FH: variants seen among roughly 807,000 people sequenced by gnomAD.
The protein encoded by FH is fumarate hydratase.
Under a neutral mutation model 49.4 loss-of-function variants are expected in FH, and 22 were observed. The ratio of observed to expected loss-of-function variants is 0.45; its 90% CI spans 0.32 to 0.64. FH has a LOEUF of 0.64. Ranked by LOEUF, FH falls within the 30% of genes least tolerant of loss-of-function variation. The pLI, the probability that FH is intolerant of heterozygous loss-of-function variation, is 0.05. For synonymous variants in FH, 208 were observed against 223.0 expected, an observed-to-expected ratio of 0.93 and a Z score of 0.60; for missense variants, 526 against 641.5, an observed-to-expected ratio of 0.82 and a Z score of 1.95.
intron 4 of FH, among the ~76,000 whole-genome samples, chr1:241,509,419 G>A (rs575485462): frequency 6.6e-6 from 1 of 152,128 alleles, no homozygotes; most frequent in South Asian, 2.1e-4. Flanking sequence ...GCAAACCTGA[G>A]ACCTAGCCAG....
rs201146499 is a variant in FH, at chr1:241,517,271, G to A, written c.178C>T (p.Leu60=). The stretch of plus-strand genomic sequence containing the variant: ...TAATACTTATCATTTGGCACCTTTA[G>A]TTCACCAAAGGTATCATATTCTATC... ...FRIEYDTFGE[L]KVPNDKYYGA... Residue 60 remains leucine, a synonymous_variant, in exon 2 of 10, where the codon CTA becomes TTA. Transcript: ENST00000366560. 1.5e-5 allele frequency: 25 copies of A among 1,613,922 alleles called. No homozygotes were observed. Among genetic ancestry groups the A allele is most frequent in the Admixed American group, 5.0e-5 (3 of 59,998 alleles).
At chr1:241,514,661 T>A (rs1283749127) in intron 2 of FH, among the ~76,000 whole-genome samples, 1 of 151,964 alleles carries the variant, frequency 6.6e-6, no homozygotes, top group African/African-American at 2.4e-5. Context: ...AAGTAAGAAA[T>A]AAGACACATT....
chr1:241,515,864 G>C (rs1660198343), intron 2 of FH, among the ~76,000 whole-genome samples: 1 of 152,098 alleles, frequency 6.6e-6, no homozygotes, highest in South Asian at 2.1e-4. Flanking sequence ...TTCTTTCTTA[G>C]TGGTGCCTAT....
rs1158759883 is a variant in FH, at chr1:241,511,995, T to A, written c.527A>T (p.His176Leu). 6.2e-7 allele frequency: 1 copy of A among 1,614,018 alleles called. No homozygotes were observed. The highest frequency in any genetic ancestry group is 8.5e-7 in the Non-Finnish European group (1 of 1,179,940). ...GCTTTTATTAACATGATCGTTGGGA[T>A]GCACAGGTATCTTGCTGCCAAGTTC... ...GGELGSKIPV[H>L]PNDHVNKSQS... The change falls in exon 4 of 10, where the codon CAT (histidine) becomes CTT (leucine). Residue 176 changes from histidine to leucine, a missense_variant. By Grantham distance (99) the His-to-Leu change is moderately conservative (BLOSUM62 -3). Coordinates refer to ENST00000366560, the MANE Select transcript of FH (RefSeq NM_000143.4).
intron 3 of FH, among the ~76,000 whole-genome samples, chr1:241,512,814 G>A (rs1189166956): frequency 6.6e-6 from 1 of 151,980 alleles, no homozygotes. Flanking sequence ...AAAATTTTGA[G>A]AACTGAGAAA....
chr1:241,512,198 A>G, intron 3 of FH, 55 bp from the exon 4 acceptor site: 1 of 1,510,434 alleles, frequency 6.6e-7, no homozygotes, highest in African/African-American at 1.4e-5. Context: ...AATGCTGATT[A>G]TGCCACAGAG....
chr1:241,508,590 C>T lies in FH; in HGVS notation c.738+13G>A. 6.2e-7 allele frequency: 1 copy of T among 1,609,818 alleles called. No homozygotes were observed. Among genetic ancestry groups the T allele is most frequent in the Non-Finnish European group, 8.5e-7 (1 of 1,176,166 alleles). Reference sequence around the variant, plus strand: ...AAGCTCTAAATTGAATCAAATTAGTCAAACTCCTATACCTGCCCAAGAGTA... The same window carrying T: ...AAGCTCTAAATTGAATCAAATTAGTTAAACTCCTATACCTGCCCAAGAGTA... On this transcript the variant is annotated intron_variant, in intron 5 of 9. Coordinates refer to ENST00000366560, the MANE Select transcript of FH (RefSeq NM_000143.4).
chr1:241,503,193 C>T (rs1472010013), intron 7 of FH, among the ~76,000 whole-genome samples: 2 of 152,158 alleles, frequency 1.3e-5, no homozygotes, highest in Non-Finnish European at 2.9e-5. Context: ...TCTGTGACTC[C>T]CCCAGTTCTC....
rs750363222 is a variant in FH at position 241,497,989 on chromosome 1, G to T, written c.1391-19C>A. 5 of 1,613,536 alleles carry T rather than the reference G, an allele frequency of 3.1e-6. No individual in the cohort carries two copies. Among genetic ancestry groups the T allele is most frequent in the Admixed American group, 1.7e-5 (1 of 59,990 alleles). On this transcript the variant is annotated intron_variant, in intron 9 of 9. Coordinates refer to ENST00000366560, the MANE Select transcript of FH (RefSeq NM_000143.4). Reference sequence around the variant, plus strand: ...TCATACCCTGAAGAAAAAATAAAAAGACGACATATGGGTTAGCAGTGATAT... The same window carrying T: ...TCATACCCTGAAGAAAAAATAAAAATACGACATATGGGTTAGCAGTGATAT...
intron 2 of FH, among the ~76,000 whole-genome samples, chr1:241,516,676 C>T (rs1000857946): frequency 2.0e-5 from 3 of 148,838 alleles, no homozygotes; most frequent in African/African-American, 4.9e-5. Flanking sequence ...TTTTTTGAGA[C>T]GGAGTCTCAC....
rs574894516 is a variant in FH, at chr1:241,515,913, G to A, written c.267+1269C>T. ...AATTAATGGCATCTTAAATTTAATTGAATGTGGTAGAAAGTTTTCTCATCA... is the reference window on the plus strand; with the variant it reads ...AATTAATGGCATCTTAAATTTAATTAAATGTGGTAGAAAGTTTTCTCATCA... On this transcript the variant is annotated intron_variant, in intron 2 of 9. Transcript: ENST00000366560. Among the ~76,000 whole-genome samples the A allele has an allele frequency of 1.4e-4, 22 of 152,214 alleles. 1 individual carries two copies. In the South Asian group the frequency reaches 4.6e-3, roughly 32 times the overall value.
chr1:241,508,589 T>C lies in FH; in HGVS notation c.738+14A>G, dbSNP rs765629644. 3.5e-5 allele frequency: 57 copies of C among 1,609,132 alleles called. No individual in the cohort carries two copies. The East Asian group carries it at 1.2e-3, about 35-fold the overall frequency. ...CAAGCTCTAAATTGAATCAAATTAG[T>C]CAAACTCCTATACCTGCCCAAGAGT... is the stretch of plus-strand genomic sequence containing the variant. On this transcript the variant is annotated intron_variant, in intron 5 of 9. Transcript: ENST00000366560.
At chr1:241,501,412 A>G (rs1659776799) in intron 8 of FH, among the ~76,000 whole-genome samples, 1 of 152,184 alleles carries the variant, frequency 6.6e-6, no homozygotes, top group Non-Finnish European at 1.5e-5. Flanking sequence ...TTATGCACCT[A>G]TAAATGCTGG....
At chr1:241,519,309 C>G in intron 1 of FH, 3 of 396,962 alleles carry the variant, frequency 7.6e-6, no homozygotes, top group South Asian at 7.6e-5. Context: ...CGGCCCGCCA[C>G]GGACGGCTCC....
chr1:241,515,007 C>A (rs1024449813), intron 2 of FH, among the ~76,000 whole-genome samples: 1 of 152,146 alleles, frequency 6.6e-6, no homozygotes, highest in African/African-American at 2.4e-5. Context: ...GGGTCATTCA[C>A]AGCAGAAAGA....
Position 241,517,830 on chromosome 1 carries a change from C to T in FH, c.133-514G>A, listed in dbSNP as rs990954734. On this transcript the variant is annotated intron_variant, in intron 1 of 9. Coordinates refer to ENST00000366560, the MANE Select transcript of FH (RefSeq NM_000143.4). ...ACACTATATATATGCCATCATGCTA[C>T]CAAGTCAGTATCACAGTTGGTCTGC... 3.2e-4 allele frequency among the ~76,000 whole-genome samples: 49 copies of T among 152,098 alleles called. 1 individual carries two copies. The highest frequency in any genetic ancestry group is 2.7e-3 in the Admixed American group (42 of 15,288).
intron 9 of FH, 151 bp from the exon 10 acceptor site, chr1:241,498,121 TC>T (rs759014712): frequency 1.4e-6 from 1 of 711,562 alleles, no homozygotes. Context: ...AGTGATTATC[TC>T]AATAATCATT....
intron 3 of FH, among the ~76,000 whole-genome samples, chr1:241,513,360 T>C (rs569670325): frequency 4.6e-5 from 7 of 152,288 alleles, no homozygotes; most frequent in Admixed American, 1.3e-4. Flanking sequence ...CTTAAAACTA[T>C]ATAAATTAAG....
rs202231720 is a variant in FH at position 241,513,553 on chromosome 1, G to A, written c.378+50C>T. The A allele has an allele frequency of 7.0e-5, 92 of 1,313,798 alleles. No homozygotes were observed. The South Asian group carries it at 1.0e-3, about 15-fold the overall frequency. 81.4% of individuals were successfully genotyped at this position (1,313,798 alleles called of 1,614,324 possible). ...CTGCCAGAGCATATCGTCATCCAGA[G>A]TATGGCATGGGTCTGAGGTTATTAA... On this transcript the variant is annotated intron_variant, in intron 3 of 9. Transcript: ENST00000366560.
Sources: allele counts gnomAD v4.1 joint callset (sites outside exome capture counted in the v4.1 genomes callset), GRCh38; gene constraint gnomAD v4.1.1; transcripts MANE v1.5; gene names NCBI Gene and HGNC (gene_info 2026-07-23, HGNC 2026-07-21).